Variants in TMTC1 observed in about 807,000 individuals in gnomAD.
TMTC1 encodes transmembrane O-mannosyltransferase targeting cadherins 1, also known as protein O-mannosyl-transferase TMTC1.
TMTC1 carries 73 observed loss-of-function variants against 104.8 expected under a neutral mutation model. The observed-to-expected ratio is 0.70, with a 90% CI of 0.58 to 0.85. TMTC1 has a LOEUF of 0.85. Ranked by LOEUF, TMTC1 falls within the 40% of genes least tolerant of loss-of-function variation. The pLI is 0.00. For missense variants in TMTC1, 1,035 were observed against 1,096.1 expected, an observed-to-expected ratio of 0.94 and a Z score of 0.79; for synonymous variants, 434 against 428.7, an observed-to-expected ratio of 1.01 and a Z score of -0.15.
intron 10 of TMTC1, among the ~76,000 whole-genome samples, chr12:29,550,926 T>C (rs1276631521): frequency 1.2e-5 from 1 of 82,658 alleles, no homozygotes; most frequent in African/African-American, 5.7e-5. Flanking sequence ...AGAGTGGGAC[T>C]CCATCTCAAA....
Position 29,621,814 on chromosome 12 carries a change from G to A in TMTC1, c.1128+11333C>T, listed in dbSNP as rs187686288. ...GTGAGGATGAGAACAGGCATGAAGG[G>A]AGATCCCTGAGATGAGAAGGCCCTC... On this transcript the variant is annotated intron_variant, in intron 6 of 17. Transcript: ENST00000539277. Among the ~76,000 whole-genome samples, 3 of 152,240 alleles carry A rather than the reference G, an allele frequency of 2.0e-5. No individual in the cohort carries two copies. The East Asian group carries it at 5.8e-4, about 29-fold the overall frequency.
chr12:29,575,559 TG>T (rs1245765799), intron 8 of TMTC1, among the ~76,000 whole-genome samples: 1 of 144,872 alleles, frequency 6.9e-6, no homozygotes, highest in Non-Finnish European at 1.5e-5. Flanking sequence ...TAAAATCCAC[TG>T]GCTGGGAGCT....
chr12:29,591,279 C>A (rs1946274264), intron 7 of TMTC1, among the ~76,000 whole-genome samples: 1 of 152,100 alleles, frequency 6.6e-6, no homozygotes, highest in South Asian at 2.1e-4. Flanking sequence ...TCTTTCCCTC[C>A]ATCGCTAGGG....
intron 5 of TMTC1, among the ~76,000 whole-genome samples, chr12:29,739,803 G>A (rs891561172): frequency 7.2e-5 from 11 of 151,884 alleles, no homozygotes; most frequent in Non-Finnish European, 1.3e-4. Flanking sequence ...CCGCCTCTCA[G>A]GTTCAAGAGA....
chr12:29,567,121 T>C (rs533844389), intron 9 of TMTC1, among the ~76,000 whole-genome samples: 87 of 152,308 alleles, frequency 5.7e-4, no homozygotes, highest in African/African-American at 1.9e-3. Context: ...GAGCTCCCCA[T>C]GGGATCAGCT....
chr12:29,574,780 C>G (rs1010632415), intron 8 of TMTC1, among the ~76,000 whole-genome samples: 2 of 152,222 alleles, frequency 1.3e-5, no homozygotes, highest in South Asian at 4.1e-4. Context: ...CACTTCCTCA[C>G]AGGCCCTATA....
chr12:29,691,508 T>A (rs1179473088), intron 5 of TMTC1, among the ~76,000 whole-genome samples: 1 of 146,682 alleles, frequency 6.8e-6, no homozygotes, highest in Non-Finnish European at 1.5e-5. Context: ...GAAATTCCCC[T>A]GTCTTGATAA....
Position 29,689,502 on chromosome 12 carries a change from T to TG in TMTC1, c.939-56167dup, listed in dbSNP as rs1448073864. 3.3e-5 allele frequency among the ~76,000 whole-genome samples: 5 copies of TG among 152,076 alleles called. No homozygotes were observed. In the East Asian group the frequency reaches 9.7e-4, roughly 30 times the overall value. Reference sequence around the variant, plus strand: ...CTAAGTTTTGTATTTTTAGTAGAGATGGGGGTTTCACCATGTTGGCCAGGC... The same window carrying TG: ...CTAAGTTTTGTATTTTTAGTAGAGATGGGGGGTTTCACCATGTTGGCCAGGC... On this transcript the variant is annotated intron_variant, in intron 5 of 17. Coordinates refer to ENST00000539277, the MANE Select transcript of TMTC1 (RefSeq NM_001193451.2).
At chr12:29,646,551 T>A (rs1198515306) in intron 5 of TMTC1, among the ~76,000 whole-genome samples, 2 of 152,114 alleles carry the variant, frequency 1.3e-5, no homozygotes, top group Non-Finnish European at 2.9e-5. Context: ...CAGCAACCCA[T>A]CCCTAGTCCC....
intron 7 of TMTC1, among the ~76,000 whole-genome samples, chr12:29,589,417 G>A (rs764439137): frequency 3.3e-5 from 5 of 152,142 alleles, no homozygotes; most frequent in Non-Finnish European, 2.9e-5. Context: ...AAATAACAGA[G>A]CAAAGATATA....
Position 29,663,561 on chromosome 12 carries a change from G to A in TMTC1, c.939-30225C>T, listed in dbSNP as rs1591887731. On this transcript the variant is annotated intron_variant, in intron 5 of 17. Coordinates refer to ENST00000539277, the MANE Select transcript of TMTC1 (RefSeq NM_001193451.2). The stretch of plus-strand genomic sequence containing the variant: ...AACAGAGTCTTACTCTTGTCGCCCA[G>A]GCTAGAGTGTAGTGGCGTGATCTCA... 2.0e-5 allele frequency among the ~76,000 whole-genome samples: 3 copies of A among 151,968 alleles called. No individual in the cohort carries two copies. The East Asian group carries it at 5.8e-4, about 30-fold the overall frequency.
chr12:29,783,753 G>A lies in TMTC1; in HGVS notation c.-2C>T, dbSNP rs926937054. On this transcript the variant is annotated 5_prime_UTR_variant, in exon 1 of 18. Coordinates refer to ENST00000539277, the MANE Select transcript of TMTC1 (RefSeq NM_001193451.2). This position sits in a 1 kb window ranked among gnomAD's most constrained non-coding sequence, Gnocchi z 4.7. ...TCGGGCAGAGGTGGTCACCACCATC[G>A]CGCCGCCGCCGCCGCTGCTGCCCTG... 2.6e-6 allele frequency: 3 copies of A among 1,162,634 alleles called. No homozygotes were observed. Among genetic ancestry groups the A allele is most frequent in the African/African-American group, 3.2e-5 (2 of 61,746 alleles). The allele number at this position is 1,162,634 out of a possible 1,614,324, so 72.0% of individuals were successfully genotyped here. A position where few individuals can be genotyped will look rare whatever the true frequency, so the allele number is the denominator to read the frequency against.
At chr12:29,591,574 G>A (rs1946281970) in intron 7 of TMTC1, among the ~76,000 whole-genome samples, 1 of 152,192 alleles carries the variant, frequency 6.6e-6, no homozygotes, top group Non-Finnish European at 1.5e-5. Flanking sequence ...GTTTGAGAAA[G>A]AACCACCACT....
chr12:29,558,341 C>T (rs551998422), intron 9 of TMTC1, among the ~76,000 whole-genome samples: 83 of 152,324 alleles, frequency 5.4e-4, no homozygotes, highest in Non-Finnish European at 1.0e-3. Context: ...TGCTTGCCCC[C>T]TGTTCTGTAC....
intron 6 of TMTC1, among the ~76,000 whole-genome samples, chr12:29,630,620 G>A (rs1309083821): frequency 6.6e-6 from 1 of 152,146 alleles, no homozygotes; most frequent in Non-Finnish European, 1.5e-5. Flanking sequence ...TGTATTCGTA[G>A]TTTGTTCCCT....
At chr12:29,685,788 TAAATC>T (rs2136734297) in intron 5 of TMTC1, among the ~76,000 whole-genome samples, 1 of 152,198 alleles carries the variant, frequency 6.6e-6, no homozygotes, top group Admixed American at 6.5e-5. Context: ...AAGATTAAAA[TAAATC>T]AAATTCAAAT....
chr12:29,681,711 A>G (rs1427940195), intron 5 of TMTC1, among the ~76,000 whole-genome samples: 1 of 152,042 alleles, frequency 6.6e-6, no homozygotes, highest in Non-Finnish European at 1.5e-5. Context: ...AAGAGGAGAA[A>G]GAGTGAGATG....
chr12:29,767,866 T>C, intron 2 of TMTC1, 32 bp downstream of exon 2: 1 of 1,592,340 alleles, frequency 6.3e-7, no homozygotes, highest in Non-Finnish European at 8.6e-7. Flanking sequence ...ACATTCATAT[T>C]CGTTATTTCA....
intron 11 of TMTC1, among the ~76,000 whole-genome samples, chr12:29,523,763 T>C (rs1944253889): frequency 6.6e-6 from 1 of 152,146 alleles, no homozygotes; most frequent in Non-Finnish European, 1.5e-5. Context: ...GAATCTCTTG[T>C]TTTTTGGAGG....
Sources: allele counts gnomAD v4.1 joint callset (sites outside exome capture counted in the v4.1 genomes callset), GRCh38; gene constraint gnomAD v4.1.1; non-coding constraint Gnocchi (gnomAD v3.1); transcripts MANE v1.5; gene names NCBI Gene and HGNC (gene_info 2026-07-23, HGNC 2026-07-21).